The following MTUS2 variants were observed in gnomAD, a reference collection of about 807,000 sequenced individuals.
MTUS2 encodes the protein microtubule associated scaffold protein 2.
A neutral mutation model predicts 114.1 loss-of-function variants in MTUS2; 40 were observed. The ratio of observed to expected loss-of-function variants is 0.35; its 90% CI spans 0.27 to 0.46. The LOEUF (loss-of-function observed/expected upper bound fraction) is 0.46. Ranked by LOEUF, MTUS2 falls within the 20% of genes least tolerant of loss-of-function variation. The pLI is 1.00. For missense variants in MTUS2, 1,679 were observed against 1,705.4 expected (o/e 0.98, Z 0.27); for synonymous variants, 688 against 672.0 (o/e 1.02, Z -0.37).
At chr13:29,272,713 A>G (rs1362365252) in intron 5 of MTUS2, among the ~76,000 whole-genome samples, 1 of 152,214 alleles carries the variant, frequency 6.6e-6, no homozygotes, top group Non-Finnish European at 1.5e-5. Context: ...CAAAAATTTT[A>G]CAAGAGAGTT....
intron 8 of MTUS2, among the ~76,000 whole-genome samples, chr13:29,394,257 AT>A (rs757726823): frequency 3.3e-5 from 5 of 152,150 alleles, no homozygotes; most frequent in Non-Finnish European, 5.9e-5. Context: ...ATTTTTATAC[AT>A]TTTAGGGGGA....
At chr13:29,204,895 A>C (rs553592550) in intron 5 of MTUS2, among the ~76,000 whole-genome samples, 1 of 152,160 alleles carries the variant, frequency 6.6e-6, no homozygotes, top group Admixed American at 6.5e-5. Context: ...TGCCTCGCCA[A>C]ATCGGGGACA....
chr13:29,491,857 C>T (rs1270994122), intron 11 of MTUS2, among the ~76,000 whole-genome samples: 1 of 98,878 alleles, frequency 1.0e-5, no homozygotes, highest in Non-Finnish European at 2.0e-5. Flanking sequence ...GTGGCATGTG[C>T]CATGTATGTG....
intron 5 of MTUS2, among the ~76,000 whole-genome samples, chr13:29,281,054 T>C (rs1898245723): frequency 6.6e-6 from 1 of 152,198 alleles, no homozygotes; most frequent in South Asian, 2.1e-4. Flanking sequence ...TCAATAAATG[T>C]CTTCTACCTT....
At chr13:29,067,864 G>T (rs1225401684) in intron 4 of MTUS2, among the ~76,000 whole-genome samples, 1 of 152,126 alleles carries the variant, frequency 6.6e-6, no homozygotes, top group Non-Finnish European at 1.5e-5. Context: ...AATGTAAGTG[G>T]AACACTGATT....
intron 9 of MTUS2, among the ~76,000 whole-genome samples, chr13:29,471,380 CCTA>C (rs1413396305): frequency 6.6e-6 from 1 of 152,034 alleles, no homozygotes; most frequent in Non-Finnish European, 1.5e-5. Flanking sequence ...AATTTTGCTT[CCTA>C]CATTTTTTGC....
At chr13:29,500,816 C>G (rs1023160998) in intron 14 of MTUS2, among the ~76,000 whole-genome samples, 3 of 151,954 alleles carry the variant, frequency 2.0e-5, no homozygotes, top group South Asian at 2.1e-4. Context: ...CACACACACA[C>G]ACACACACAC....
intron 4 of MTUS2, among the ~76,000 whole-genome samples, chr13:29,065,715 C>CTA (rs1888633726): frequency 6.6e-6 from 1 of 152,192 alleles, no homozygotes; most frequent in Non-Finnish European, 1.5e-5. Flanking sequence ...GCTGTGCAGT[C>CTA]TCCTAGTCAG....
intron 6 of MTUS2, among the ~76,000 whole-genome samples, chr13:29,320,392 T>G (rs1468668824): frequency 1.3e-5 from 2 of 152,222 alleles, no homozygotes; most frequent in Admixed American, 1.3e-4. Context: ...TAGAAGAGAA[T>G]AAACTTGTGT....
At chr13:28,978,470 T>C (rs972287045) in intron 2 of MTUS2, among the ~76,000 whole-genome samples, 4 of 152,196 alleles carry the variant, frequency 2.6e-5, no homozygotes, top group African/African-American at 9.7e-5. Context: ...AAGGGGGATA[T>C]CATTTATACA....
intron 8 of MTUS2, among the ~76,000 whole-genome samples, chr13:29,428,339 G>A (rs948978628): frequency 2.6e-5 from 4 of 152,254 alleles, no homozygotes; most frequent in Non-Finnish European, 5.9e-5. Flanking sequence ...CCTTTCGGGC[G>A]TCCCCAGGCA....
intron 5 of MTUS2, among the ~76,000 whole-genome samples, chr13:29,249,133 G>A (rs777503428): frequency 8.6e-5 from 13 of 151,994 alleles, no homozygotes; most frequent in Admixed American, 2.0e-4. Context: ...GACTACAGGC[G>A]TGCACCACTA....
At chr13:28,928,704 T>G (rs1404256019) in intron 2 of MTUS2, among the ~76,000 whole-genome samples, 1 of 152,148 alleles carries the variant, frequency 6.6e-6, no homozygotes, top group Non-Finnish European at 1.5e-5. Context: ...AGAACTAACA[T>G]ATGATCCAGC....
chr13:29,471,357 T>C (rs551275493), intron 9 of MTUS2, among the ~76,000 whole-genome samples: 2 of 152,024 alleles, frequency 1.3e-5, no homozygotes, highest in Admixed American at 6.6e-5. Context: ...ATAATAATAA[T>C]AAAATAAAAT....
At chr13:28,927,396 A>G (rs567614279) in intron 2 of MTUS2, among the ~76,000 whole-genome samples, 1 of 145,990 alleles carries the variant, frequency 6.8e-6, no homozygotes, top group African/African-American at 2.7e-5. Context: ...CCCTGTCTCT[A>G]AAAAAAAAGA....
Position 29,026,382 on chromosome 13 carries a change from G to C in MTUS2, c.1684G>C (p.Gly562Arg), listed in dbSNP as rs369225061. ...CAGTTTTCAGGATGTTAGCGTGTTC[G>C]GTATGGATGCGGGGTCCCCCTTGGT... ...SSSFQDVSVF[G>R]MDAGSPLVVP... Residue 562 changes from glycine to arginine, a missense_variant, in exon 3 of 16, where the codon GGT (glycine) becomes CGT (arginine). By Grantham distance (125) the Gly-to-Arg change is moderately radical. Transcript: ENST00000612955. 5 of 1,613,752 alleles carry C rather than the reference G, an allele frequency of 3.1e-6. No individual in the cohort carries two copies. Among genetic ancestry groups the C allele is most frequent in the African/African-American group, 1.3e-5 (1 of 74,878 alleles).
chr13:28,980,580 G>A (rs1028665289), intron 2 of MTUS2, among the ~76,000 whole-genome samples: 1 of 152,118 alleles, frequency 6.6e-6, no homozygotes, highest in East Asian at 1.9e-4. Context: ...CAGAAAACAG[G>A]GAGCTGCTTC....
chr13:29,483,267 T>G (rs1035182494), intron 10 of MTUS2, among the ~76,000 whole-genome samples: 1 of 152,260 alleles, frequency 6.6e-6, no homozygotes, highest in African/African-American at 2.4e-5. Context: ...CAGGATTTTC[T>G]GAGGCCGCAA....
chr13:29,195,250 A>AAAATG, intron 5 of MTUS2, among the ~76,000 whole-genome samples: 1 of 79,706 alleles, frequency 1.3e-5, no homozygotes, highest in African/African-American at 4.5e-5. Context: ...TAATAATAAT[A>AAAATG]AAATAAAATA....
Sources: allele counts gnomAD v4.1 joint callset (sites outside exome capture counted in the v4.1 genomes callset), GRCh38; gene constraint gnomAD v4.1.1; transcripts MANE v1.5; gene names NCBI Gene and HGNC (gene_info 2026-07-23, HGNC 2026-07-21).